WT1: variants seen among roughly 807,000 people sequenced by gnomAD.
The protein encoded by WT1 is Wilms tumor protein.
WT1 carries 8 observed loss-of-function variants against 60.8 expected under a neutral mutation model. The observed-to-expected ratio is 0.13, with a 90% CI of 0.08 to 0.24. WT1 has a LOEUF of 0.24. Ranked by LOEUF, WT1 falls within the 10% of genes least tolerant of loss-of-function variation. The pLI, the probability that WT1 is intolerant of heterozygous loss-of-function variation, is 1.00. For synonymous variants in WT1, 312 were observed against 297.1 expected, an observed-to-expected ratio of 1.05 and a Z score of -0.52; for missense variants, 568 against 711.8, an observed-to-expected ratio of 0.80 and a Z score of 2.30.
intron 5 of WT1, among the ~76,000 whole-genome samples, chr11:32,404,477 C>T (rs1852252302): frequency 6.6e-6 from 1 of 151,886 alleles, no homozygotes; most frequent in South Asian, 2.1e-4. Flanking sequence ...GGGAAAAGAA[C>T]GGTGAGTCTG....
chr11:32,428,487 G>C lies in WT1; in HGVS notation c.784+10C>G. On this transcript the variant is annotated intron_variant, in intron 2 of 9. Coordinates refer to ENST00000452863, the MANE Select transcript of WT1 (RefSeq NM_024426.6). ...GGGGAGAAGGACTCCACTTGGTTCCGCTCGCTTACCCAGCGAGCCCTGCTG... is the reference window on the plus strand; with the variant it reads ...GGGGAGAAGGACTCCACTTGGTTCCCCTCGCTTACCCAGCGAGCCCTGCTG... The C allele has an allele frequency of 6.2e-7, 1 of 1,613,950 alleles. No homozygotes were observed. Among genetic ancestry groups the C allele is most frequent in the Non-Finnish European group, 8.5e-7 (1 of 1,180,026 alleles).
At chr11:32,418,502 C>T (rs904690096) in intron 3 of WT1, among the ~76,000 whole-genome samples, 2 of 152,122 alleles carry the variant, frequency 1.3e-5, no homozygotes, top group Non-Finnish European at 2.9e-5. Flanking sequence ...ACCCAAGAGA[C>T]CAAGAGTTTT....
chr11:32,433,466 C>G (rs1853376655), intron 1 of WT1, among the ~76,000 whole-genome samples: 1 of 152,220 alleles, frequency 6.6e-6, no homozygotes, highest in Non-Finnish European at 1.5e-5. Flanking sequence ...GAGCCCTTCT[C>G]CCGAGCCTTG....
At chr11:32,404,378 G>T (rs1251843212) in intron 5 of WT1, among the ~76,000 whole-genome samples, 1 of 152,086 alleles carries the variant, frequency 6.6e-6, no homozygotes, top group Non-Finnish European at 1.5e-5. Context: ...TGAATGACAG[G>T]GAGAAGGGAT....
chr11:32,421,423 A>G (rs926379364), intron 3 of WT1, among the ~76,000 whole-genome samples: 4 of 152,194 alleles, frequency 2.6e-5, no homozygotes, highest in African/African-American at 9.7e-5. Flanking sequence ...TCGGAAGTGA[A>G]CTTTCAAATT....
At chr11:32,431,563 A>T (rs1233059506) in intron 1 of WT1, among the ~76,000 whole-genome samples, 1 of 150,440 alleles carries the variant, frequency 6.6e-6, no homozygotes, top group South Asian at 2.1e-4. Flanking sequence ...CAGCCTCCCG[A>T]GTAGCTGGGA....
chr11:32,419,545 T>C (rs966207208), intron 3 of WT1, among the ~76,000 whole-genome samples: 3 of 152,292 alleles, frequency 2.0e-5, no homozygotes, highest in Middle Eastern at 3.4e-3. Flanking sequence ...TCAAGAGAAC[T>C]GGGAAAGAAA....
chr11:32,427,365 G>T lies in WT1; in HGVS notation c.887+591C>A, dbSNP rs557302779. Among the ~76,000 whole-genome samples the T allele has an allele frequency of 4.6e-5, 7 of 152,310 alleles. No individual in the cohort carries two copies. In the South Asian group the frequency reaches 1.5e-3, roughly 32 times the overall value. On this transcript the variant is annotated intron_variant, in intron 3 of 9. Transcript: ENST00000452863. ...TGGGCCTCCCGCTCACAGGAAGAAG[G>T]TCCCACGCGGGCCAGAGCAGCCTCC...
intron 1 of WT1, chr11:32,430,705 G>A (rs1381966274): frequency 1.4e-6 from 2 of 1,422,868 alleles, no homozygotes; most frequent in Non-Finnish European, 1.8e-6. Flanking sequence ...CCCGTGGCCC[G>A]CGAGCCCTCC....
intron 7 of WT1, among the ~76,000 whole-genome samples, chr11:32,394,454 T>C (rs1163192018): frequency 6.6e-6 from 1 of 152,324 alleles, no homozygotes. Flanking sequence ...TACATGATCA[T>C]GTACTCTCTC....
chr11:32,400,093 A>C (rs1345788348), intron 5 of WT1, 49 bp from the exon 6 acceptor site: 7 of 1,597,172 alleles, frequency 4.4e-6, no homozygotes, highest in South Asian at 2.2e-5. Flanking sequence ...CACAGTCGCC[A>C]TTTGGAAATG....
chr11:32,430,506 C>G (rs1201107839), intron 1 of WT1: 12 of 1,475,202 alleles, frequency 8.1e-6, no homozygotes, highest in African/African-American at 5.9e-5. Flanking sequence ...ATAGAAGCTA[C>G]GAAGAAGTTT....
intron 5 of WT1, among the ~76,000 whole-genome samples, chr11:32,400,800 G>A (rs1171200313): frequency 1.3e-5 from 2 of 152,228 alleles, no homozygotes; most frequent in East Asian, 1.9e-4. Flanking sequence ...CTGCTCTACA[G>A]TTATTTTACT....
intron 1 of WT1, among the ~76,000 whole-genome samples, chr11:32,434,229 C>G (rs1202155628): frequency 1.3e-5 from 2 of 152,262 alleles, no homozygotes; most frequent in Non-Finnish European, 2.9e-5. Context: ...CATTTTAGCG[C>G]TGCGGAGGCA....
At chr11:32,394,072 AT>A (rs35767556) in intron 7 of WT1, among the ~76,000 whole-genome samples, 1 of 151,826 alleles carries the variant, frequency 6.6e-6, no homozygotes, top group African/African-American at 2.4e-5. Context: ...TTTTAAAAAT[AT>A]TTTTTTTAGA....
intron 1 of WT1, chr11:32,430,903 G>A: frequency 8.9e-7 from 1 of 1,121,108 alleles, no homozygotes; most frequent in Non-Finnish European, 1.1e-6. Context: ...CCAGCGCTTG[G>A]CCTGGCGCGG....
chr11:32,405,427 T>C (rs1315791864), intron 5 of WT1, among the ~76,000 whole-genome samples: 2 of 151,640 alleles, frequency 1.3e-5, no homozygotes, highest in African/African-American at 4.8e-5. Context: ...CTAGCCTGGG[T>C]GACAAGAGTA....
In WT1 at chr11:32,404,654, T is replaced by G. The variant is rs1274884466; in HGVS notation, c.1017-4610A>C. ...TGTTCAACCAAGCACAAATCATCCA[T>G]TTAAGCATTTAGTCCATCATCCCCT... On this transcript the variant is annotated intron_variant, in intron 5 of 9. Coordinates refer to ENST00000452863, the MANE Select transcript of WT1 (RefSeq NM_024426.6). Among the ~76,000 whole-genome samples, 3 of 152,172 alleles carry G rather than the reference T, an allele frequency of 2.0e-5. No homozygotes were observed. In the East Asian group the frequency reaches 5.8e-4, roughly 29 times the overall value.
At chr11:32,416,625 G>T (rs943436071) in intron 4 of WT1, 85 bp from the exon 5 acceptor site, 3 of 1,514,606 alleles carry the variant, frequency 2.0e-6, no homozygotes, top group Non-Finnish European at 2.7e-6. Flanking sequence ...CCAGTGAAAA[G>T]CCCCTCAATA....
Sources: allele counts gnomAD v4.1 joint callset (sites outside exome capture counted in the v4.1 genomes callset), GRCh38; gene constraint gnomAD v4.1.1; transcripts MANE v1.5; gene names NCBI Gene and HGNC (gene_info 2026-07-23, HGNC 2026-07-21).